The following GALNT17 variants were observed in gnomAD, a reference collection of about 807,000 sequenced individuals.
The protein encoded by GALNT17 is polypeptide N-acetylgalactosaminyltransferase 17, also known as UDP-GalNAc:polypeptide N-acetylgalactosaminyltransferase-like 3.
GALNT17 carries 29 observed loss-of-function variants against 63.7 expected under a neutral mutation model. The ratio of observed to expected loss-of-function variants is 0.46; its 90% CI spans 0.34 to 0.62. The LOEUF is 0.62. GALNT17 is among the 20% of genes least tolerant of loss of function. The pLI is 0.01. For synonymous variants in GALNT17, 305 were observed against 318.3 expected, an observed-to-expected ratio of 0.96 and a Z score of 0.45; for missense variants, 603 against 799.6, an observed-to-expected ratio of 0.75 and a Z score of 2.97.
At chr7:71,655,153 G>C (rs992227511) in intron 6 of GALNT17, among the ~76,000 whole-genome samples, 1 of 152,094 alleles carries the variant, frequency 6.6e-6, no homozygotes, top group Non-Finnish European at 1.5e-5. Context: ...TACTCGGGAG[G>C]CTGGGGCAGG....
intron 5 of GALNT17, among the ~76,000 whole-genome samples, chr7:71,507,659 C>G (rs1007787729): frequency 2.6e-5 from 4 of 152,142 alleles, no homozygotes; most frequent in African/African-American, 4.8e-5. Flanking sequence ...GGTTAATCTT[C>G]GAGCCGTGTC....
chr7:71,569,356 G>T (rs1480966196), intron 5 of GALNT17, among the ~76,000 whole-genome samples: 2 of 152,044 alleles, frequency 1.3e-5, no homozygotes, highest in Non-Finnish European at 2.9e-5. Flanking sequence ...TGAAGTTTGG[G>T]CATCTGTTGA....
intron 6 of GALNT17, among the ~76,000 whole-genome samples, chr7:71,656,069 A>C (rs1292501920): frequency 6.6e-6 from 1 of 152,074 alleles, no homozygotes; most frequent in African/African-American, 2.4e-5. Flanking sequence ...GTATGTACAC[A>C]TTCACTCATT....
chr7:71,373,507 C>T (rs372336122), intron 2 of GALNT17, among the ~76,000 whole-genome samples: 2 of 152,096 alleles, frequency 1.3e-5, no homozygotes, highest in East Asian at 1.9e-4. Flanking sequence ...CAGCCTGTGG[C>T]CTGATAGGAA....
intron 1 of GALNT17, among the ~76,000 whole-genome samples, chr7:71,179,353 TTG>T: frequency 6.6e-6 from 1 of 152,218 alleles, no homozygotes; most frequent in African/African-American, 2.4e-5. Flanking sequence ...CATATGTTGA[TTG>T]ATGTCTCATG....
At chr7:71,406,349 C>T (rs192374019) in intron 3 of GALNT17, among the ~76,000 whole-genome samples, 6 of 152,232 alleles carry the variant, frequency 3.9e-5, no homozygotes, top group South Asian at 2.1e-4. Flanking sequence ...GGGTGCCCTT[C>T]GAGGTCATCT....
In GALNT17 at chr7:71,467,616, A is replaced by G. The variant is rs554426091; in HGVS notation, c.962+46511A>G. Among the ~76,000 whole-genome samples the G allele has an allele frequency of 3.9e-5, 6 of 152,178 alleles. No individual in the cohort carries two copies. The South Asian group carries it at 1.0e-3, about 26-fold the overall frequency. On this transcript the variant is annotated intron_variant, in intron 5 of 10. Coordinates refer to ENST00000333538, the MANE Select transcript of GALNT17 (RefSeq NM_022479.3). ...AAATGACATTTGGAGTAATTTCTGC[A>G]TGTGAATCCTGCTTATCTGACCCCT...
chr7:71,523,012 C>T (rs1240150374), intron 5 of GALNT17, among the ~76,000 whole-genome samples: 1 of 151,908 alleles, frequency 6.6e-6, no homozygotes, highest in African/African-American at 2.4e-5. Context: ...TCAAGACCAT[C>T]CTGGGCAATG....
chr7:71,143,935 T>G (rs1585835330), intron 1 of GALNT17, among the ~76,000 whole-genome samples: 1 of 151,762 alleles, frequency 6.6e-6, no homozygotes. Context: ...CTGGCGTGGC[T>G]GGCCCTGCCA....
At chr7:71,382,313 G>T (rs1387407042) in intron 2 of GALNT17, among the ~76,000 whole-genome samples, 1 of 152,214 alleles carries the variant, frequency 6.6e-6, no homozygotes, top group Non-Finnish European at 1.5e-5. Context: ...CCAGGGGGCG[G>T]AGGGTACAGT....
At chr7:71,425,379 C>T (rs1439574334) in intron 5 of GALNT17, among the ~76,000 whole-genome samples, 3 of 152,190 alleles carry the variant, frequency 2.0e-5, no homozygotes, top group South Asian at 2.1e-4. Context: ...CATGCCACCA[C>T]GCCCAGCTAA....
At chr7:71,425,297 G>A (rs1245560616) in intron 5 of GALNT17, among the ~76,000 whole-genome samples, 5 of 151,592 alleles carry the variant, frequency 3.3e-5, no homozygotes, top group South Asian at 4.2e-4. Context: ...ATCTCGGCTC[G>A]CTGCAACCTC....
intron 2 of GALNT17, among the ~76,000 whole-genome samples, chr7:71,379,330 G>T (rs537683209): frequency 3.3e-5 from 5 of 152,198 alleles, no homozygotes; most frequent in African/African-American, 9.6e-5. Flanking sequence ...GGCTCAACTT[G>T]GGTGCCAAGC....
At chr7:71,487,220 T>C (rs1787926635) in intron 5 of GALNT17, among the ~76,000 whole-genome samples, 2 of 152,174 alleles carry the variant, frequency 1.3e-5, no homozygotes, top group Admixed American at 6.5e-5. Flanking sequence ...CTGCCAGGGA[T>C]GGGGCCTATG....
intron 1 of GALNT17, among the ~76,000 whole-genome samples, chr7:71,298,463 C>T (rs146760160): frequency 3.9e-5 from 6 of 152,028 alleles, no homozygotes; most frequent in South Asian, 2.1e-4. Flanking sequence ...ATTTTTAAAA[C>T]GCAGGACTGA....
chr7:71,528,790 CA>C (rs1203578908), intron 5 of GALNT17, among the ~76,000 whole-genome samples: 1 of 151,990 alleles, frequency 6.6e-6, no homozygotes, highest in Admixed American at 6.6e-5. Flanking sequence ...AAAGTAAAAA[CA>C]GAGAAAGCTT....
At chr7:71,438,595 T>G (rs890881481) in intron 5 of GALNT17, among the ~76,000 whole-genome samples, 1 of 152,160 alleles carries the variant, frequency 6.6e-6, no homozygotes, top group Non-Finnish European at 1.5e-5. Context: ...AATAGTACTG[T>G]CTTATAGGGT....
chr7:71,245,342 T>A (rs1166475933), intron 1 of GALNT17, among the ~76,000 whole-genome samples: 1 of 152,184 alleles, frequency 6.6e-6, no homozygotes, highest in Non-Finnish European at 1.5e-5. Flanking sequence ...CCTAATTTTG[T>A]GAGGCAGAAT....
At chr7:71,378,812 C>T (rs922240830) in intron 2 of GALNT17, among the ~76,000 whole-genome samples, 1 of 150,866 alleles carries the variant, frequency 6.6e-6, no homozygotes, top group Non-Finnish European at 1.5e-5. Flanking sequence ...ACTGAGACCC[C>T]ATCTCTACAA....
Sources: gnomAD v4.1 joint callset for allele counts (sites outside exome capture counted in the v4.1 genomes callset) on GRCh38, gnomAD v4.1.1 for gene constraint, MANE v1.5 for transcripts, NCBI Gene and HGNC (gene_info 2026-07-23, HGNC 2026-07-21) for gene names.